The following TJP2 variants were observed in gnomAD, a reference collection of about 807,000 sequenced individuals.
TJP2 encodes tight junction protein 2.
A neutral mutation model predicts 133.1 loss-of-function variants in TJP2; 91 were observed. The observed-to-expected ratio is 0.68, with a 90% CI of 0.58 to 0.81. The LOEUF (loss-of-function observed/expected upper bound fraction) is 0.81, where lower values mean the gene tolerates loss of function less well. Among genes scored for constraint, TJP2 ranks in the 40% least tolerant of loss-of-function variants. TJP2 has a pLI of 0.00. For synonymous variants in TJP2, 592 were observed against 583.4 expected (o/e 1.01, Z -0.21); for missense variants, 1,541 against 1,565.6 (o/e 0.98, Z 0.26).
chr9:69,212,655 C>T (rs1159008512), intron 2 of TJP2, 54 bp downstream of exon 2: 1 of 1,450,702 alleles, frequency 6.9e-7, no homozygotes, highest in East Asian at 2.3e-5. Context: ...TTTTACGGAT[C>T]ATGGATCTTA....
chr9:69,222,768 C>T lies in TJP2; in HGVS notation c.952+1272C>T, dbSNP rs150186107. Among the ~76,000 whole-genome samples, 10 of 152,180 alleles carry T rather than the reference C, an allele frequency of 6.6e-5. No homozygotes were observed. The East Asian group carries it at 1.9e-3, about 30-fold the overall frequency. On this transcript the variant is annotated intron_variant, in intron 5 of 22. Coordinates refer to ENST00000377245, the MANE Select transcript of TJP2 (RefSeq NM_004817.4). The stretch of plus-strand genomic sequence containing the variant: ...CTCAGGCCCAACCCAGTCCCACCAG[C>T]TCAGAAACCATGGGGTGGAGCCGGG...
In TJP2 at chr9:69,138,493, A is replaced by C. The variant is rs76666982; in HGVS notation, c.-130-13158A>C. Reference sequence around the variant, plus strand: ...ACAAAAAAAAAAAAAAGGGCCAGGGACCATGGCTTATGCTTGTAATCCCAG... The same window carrying C: ...ACAAAAAAAAAAAAAAGGGCCAGGGCCCATGGCTTATGCTTGTAATCCCAG... On this transcript the variant is annotated intron_variant, in intron 1 of 5. Coordinates refer to the TJP2 transcript ENST00000423935. 3.5e-4 allele frequency among the ~76,000 whole-genome samples: 53 copies of C among 150,066 alleles called. No homozygotes were observed. In the East Asian group the frequency reaches 8.6e-3, roughly 24 times the overall value.
intron 1 of TJP2, among the ~76,000 whole-genome samples, chr9:69,141,808 T>TG (rs1308577064): frequency 6.6e-6 from 1 of 152,126 alleles, no homozygotes; most frequent in Non-Finnish European, 1.5e-5. Context: ...AGGCAGGTCT[T>TG]GAACTCCTGG....
chr9:69,238,725 A>G lies in TJP2; in HGVS notation c.2291A>G (p.Asp764Gly), dbSNP rs780920162. 3.7e-6 allele frequency: 6 copies of G among 1,613,974 alleles called. No homozygotes were observed. The highest frequency in any genetic ancestry group is 1.7e-5 in the Admixed American group (1 of 60,022). Reference sequence around the variant, plus strand: ...GCTTTTGCAGAAACGGAACCAAAAGATGCAGGATCTGAGAAATCCACTGGA... The same window carrying G: ...GCTTTTGCAGAAACGGAACCAAAAGGTGCAGGATCTGAGAAATCCACTGGA... ...WFQTAKTEPKDAGSEKSTGVV... is the reference protein window; with the variant it reads ...WFQTAKTEPKGAGSEKSTGVV... Residue 764 changes from aspartate (D) to glycine (G), a missense_variant, in exon 16 of 23, where the codon GAT (aspartate) becomes GGT (glycine). Coordinates refer to ENST00000377245, the MANE Select transcript of TJP2 (RefSeq NM_004817.4).
chr9:69,204,560 G>A (rs771128405), intron 1 of TJP2, among the ~76,000 whole-genome samples: 7 of 152,182 alleles, frequency 4.6e-5, no homozygotes, highest in Non-Finnish European at 8.8e-5. Context: ...TTAGACAGTG[G>A]AACTTTGCTG....
chr9:69,123,308 A>G (rs1205658786), intron 1 of TJP2, among the ~76,000 whole-genome samples: 1 of 72,228 alleles, frequency 1.4e-5, no homozygotes, highest in African/African-American at 4.2e-5. Context: ...TAAAATATAC[A>G]TAAAGTAAAA....
intron 16 of TJP2, 148 bp from the exon 17 acceptor site, chr9:69,239,788 TG>T: frequency 1.3e-6 from 1 of 798,808 alleles, no homozygotes; most frequent in Non-Finnish European, 2.1e-6. Flanking sequence ...CACTCCAGCC[TG>T]GGCAACAGAG....
upstream of TJP2, among the ~76,000 whole-genome samples, chr9:69,170,339 C>T (rs889243223): frequency 6.6e-6 from 1 of 152,106 alleles, no homozygotes; most frequent in African/African-American, 2.4e-5. Flanking sequence ...CATCATCATA[C>T]ATTAGATGTA....
intron 1 of TJP2, among the ~76,000 whole-genome samples, chr9:69,194,049 T>C (rs577135135): frequency 1.3e-5 from 2 of 152,220 alleles, no homozygotes; most frequent in Non-Finnish European, 2.9e-5. Context: ...ATTAACGGTT[T>C]AAAATAAAAT....
intron 1 of TJP2, among the ~76,000 whole-genome samples, chr9:69,148,961 C>T (rs1348318372): frequency 6.6e-6 from 1 of 152,068 alleles, no homozygotes; most frequent in Non-Finnish European, 1.5e-5. Flanking sequence ...CCTAAAATAC[C>T]CAGCCACCTA....
At position 69,216,434 on chromosome 9, in the gene TJP2, C is replaced by T. The variant is rs376932801; in HGVS notation, c.210C>T (p.Leu70=). ...CGTCAATTGTCATTTCTGATGTGCTCCCGGGTGGGCCTGCTGATGGGCTGC... is the reference window on the plus strand; with the variant it reads ...CGTCAATTGTCATTTCTGATGTGCTTCCGGGTGGGCCTGCTGATGGGCTGC... ...GETSIVISDV[L]PGGPADGLLQ... is the part of the protein sequence containing the mutation. Residue 70 remains leucine, a synonymous_variant, in exon 3 of 23, where the codon CTC becomes CTT. Coordinates refer to ENST00000377245, the MANE Select transcript of TJP2 (RefSeq NM_004817.4). 3.7e-6 allele frequency: 6 copies of T among 1,614,052 alleles called. No homozygotes were observed. Among genetic ancestry groups the T allele is most frequent in the African/African-American group, 1.3e-5 (1 of 74,924 alleles).
intron 1 of TJP2, among the ~76,000 whole-genome samples, chr9:69,209,669 G>A (rs1183849245): frequency 1.3e-5 from 2 of 150,652 alleles, no homozygotes; most frequent in East Asian, 2.0e-4. Flanking sequence ...CAGGAGAATC[G>A]CTAGAACCCA....
chr9:69,216,951 C>T (rs1462185170), intron 3 of TJP2, among the ~76,000 whole-genome samples: 3 of 151,478 alleles, frequency 2.0e-5, no homozygotes, highest in Non-Finnish European at 2.9e-5. Flanking sequence ...GAAGAAGTAA[C>T]ACCATTTTAT....
chr9:69,203,607 ATTTTTTTT>A (rs754221310), intron 1 of TJP2, among the ~76,000 whole-genome samples: 8 of 67,840 alleles, frequency 1.2e-4, no homozygotes, highest in South Asian at 5.9e-4. Context: ...CCCAGCCTGG[ATTTTTTTT>A]TTTTTTTTTT....
intron 2 of TJP2, among the ~76,000 whole-genome samples, chr9:69,153,753 C>G (rs971882573): frequency 1.3e-5 from 2 of 152,160 alleles, no homozygotes; most frequent in Non-Finnish European, 2.9e-5. Flanking sequence ...TGATAAATAC[C>G]TCCCTTGTTC....
chr9:69,213,126 C>T (rs911532393), intron 2 of TJP2, among the ~76,000 whole-genome samples: 5 of 134,928 alleles, frequency 3.7e-5, no homozygotes, highest in African/African-American at 8.6e-5. Context: ...TACGGTGGTG[C>T]AATTTCGGCT....
intron 13 of TJP2, 69 bp downstream of exon 13, chr9:69,236,307 C>A: frequency 2.0e-6 from 3 of 1,512,554 alleles, no homozygotes; most frequent in South Asian, 2.3e-5. Context: ...AGACCGCCCC[C>A]CTTCCCCCGT....
At chr9:69,213,135 C>T (rs964749813) in intron 2 of TJP2, among the ~76,000 whole-genome samples, 2 of 145,506 alleles carry the variant, frequency 1.4e-5, no homozygotes, top group African/African-American at 5.1e-5. Context: ...GCAATTTCGG[C>T]TCAGCGCAAC....
intron 17 of TJP2, 119 bp from the exon 18 acceptor site, chr9:69,246,571 T>G: frequency 1.2e-6 from 1 of 849,834 alleles, no homozygotes; most frequent in South Asian, 1.4e-5. Flanking sequence ...TGCAAACATC[T>G]TCTTGCGTCT....
Sources: gnomAD v4.1 joint callset for allele counts (sites outside exome capture counted in the v4.1 genomes callset) on GRCh38, gnomAD v4.1.1 for gene constraint, MANE v1.5 for transcripts, NCBI Gene and HGNC (gene_info 2026-07-23, HGNC 2026-07-21) for gene names.